EMSY: variants seen among roughly 807,000 people sequenced by gnomAD.
EMSY encodes BRCA2-interacting transcriptional repressor EMSY.
A neutral mutation model predicts 134.6 loss-of-function variants in EMSY; 26 were observed. The observed-to-expected ratio is 0.19, with a 90% CI of 0.14 to 0.27. The LOEUF (loss-of-function observed/expected upper bound fraction) is 0.27, where lower values mean the gene tolerates loss of function less well. EMSY is among the 10% of genes least tolerant of loss of function. EMSY has a pLI of 1.00. For synonymous variants in EMSY, 579 were observed against 577.8 expected, an observed-to-expected ratio of 1.00 and a Z score of -0.03; for missense variants, 1,305 against 1,611.4, an observed-to-expected ratio of 0.81 and a Z score of 3.26.
At chr11:76,481,592 A>G (rs921846898) in intron 8 of EMSY, among the ~76,000 whole-genome samples, 2 of 152,204 alleles carry the variant, frequency 1.3e-5, no homozygotes, top group African/African-American at 4.8e-5. Flanking sequence ...AGGCTTGAGT[A>G]GGTGGTTTTT....
At chr11:76,477,897 A>G (rs943901007) in intron 8 of EMSY, among the ~76,000 whole-genome samples, 1 of 152,000 alleles carries the variant, frequency 6.6e-6, no homozygotes, top group Non-Finnish European at 1.5e-5. Flanking sequence ...GGTGAGAAAA[A>G]TTTGCTCTCA....
chr11:76,505,254 C>A (rs533777754), intron 9 of EMSY, among the ~76,000 whole-genome samples: 18 of 151,926 alleles, frequency 1.2e-4, no homozygotes, highest in African/African-American at 3.4e-4. Flanking sequence ...GAGGCCAAGG[C>A]GGGCGGTCTT....
chr11:76,536,115 G>A, intron 15 of EMSY, 56 bp downstream of exon 16: 1 of 1,172,206 alleles, frequency 8.5e-7, no homozygotes, highest in South Asian at 2.9e-5. Flanking sequence ...GACGGGTTGT[G>A]CTAAAATACT....
intron 8 of EMSY, among the ~76,000 whole-genome samples, chr11:76,487,016 G>A (rs1356407380): frequency 1.3e-5 from 2 of 152,192 alleles, no homozygotes; most frequent in Admixed American, 6.5e-5. Flanking sequence ...AGTGGCTCAC[G>A]CCTGTAATCC....
chr11:76,528,211 G>A (rs976393209), intron 13 of EMSY, 57 bp from the exon 15 acceptor site: 31 of 1,463,320 alleles, frequency 2.1e-5, no homozygotes, highest in Non-Finnish European at 2.6e-5. Flanking sequence ...TAGAAGTTTA[G>A]CATTTTTAAA....
chr11:76,480,038 G>A (rs1369661107), intron 8 of EMSY, among the ~76,000 whole-genome samples: 1 of 152,324 alleles, frequency 6.6e-6, no homozygotes, highest in African/African-American at 2.4e-5. Flanking sequence ...TGGTGATAAA[G>A]CATTTGTTGA....
At chr11:76,528,926 C>T (rs1299647834) in intron 14 of EMSY, among the ~76,000 whole-genome samples, 1 of 152,086 alleles carries the variant, frequency 6.6e-6, no homozygotes, top group Non-Finnish European at 1.5e-5. Context: ...TTCCAATTTG[C>T]ATGGGACAAG....
chr11:76,504,374 C>T (rs1319063726), intron 9 of EMSY, among the ~76,000 whole-genome samples: 2 of 151,078 alleles, frequency 1.3e-5, no homozygotes, highest in Non-Finnish European at 2.9e-5. Flanking sequence ...GTAAAAGATC[C>T]GAATAGCCAT....
intron 8 of EMSY, among the ~76,000 whole-genome samples, chr11:76,476,466 A>C (rs1015414659): frequency 6.6e-6 from 1 of 152,206 alleles, no homozygotes; most frequent in Admixed American, 6.5e-5. Context: ...GGTACAATTC[A>C]TATGGGAAAA....
chr11:76,493,067 C>G (rs1255560394), intron 8 of EMSY, among the ~76,000 whole-genome samples: 1 of 152,122 alleles, frequency 6.6e-6, no homozygotes, highest in African/African-American at 2.4e-5. Context: ...GGGAAGCCCC[C>G]CCTTCCCTTG....
intron 14 of EMSY, 126 bp downstream of exon 15, chr11:76,528,592 T>TCC: frequency 2.5e-5 from 16 of 647,638 alleles, no homozygotes; most frequent in Non-Finnish European, 3.7e-5. Flanking sequence ...TTCCTTTTTT[T>TCC]TTTTTTTTTT....
chr11:76,451,828 T>C (rs758218306), intron 2 of EMSY, 30 bp from the exon 3 acceptor site: 2 of 1,456,778 alleles, frequency 1.4e-6, no homozygotes, highest in Non-Finnish European at 1.9e-6. Flanking sequence ...ATTAAAGGCC[T>C]ATCTTGATAA....
intron 2 of EMSY, among the ~76,000 whole-genome samples, chr11:76,449,977 A>G (rs1467522246): frequency 1.3e-5 from 2 of 152,108 alleles, no homozygotes; most frequent in East Asian, 1.9e-4. Context: ...ACTCTCAAAC[A>G]TAGTTACTGA....
At chr11:76,535,609 C>T (rs1379912466) in intron 14 of EMSY, among the ~76,000 whole-genome samples, 1 of 152,134 alleles carries the variant, frequency 6.6e-6, no homozygotes, top group African/African-American at 2.4e-5. Context: ...TCTTGAGCAT[C>T]CTCTGATTAT....
At chr11:76,536,930 A>G (rs1163730035) in intron 15 of EMSY, among the ~76,000 whole-genome samples, 1 of 152,108 alleles carries the variant, frequency 6.6e-6, no homozygotes, top group East Asian at 1.9e-4. Flanking sequence ...GATTTTTGTC[A>G]GGTTATGTAC....
At chr11:76,512,157 G>A (rs1188476377) in intron 9 of EMSY, among the ~76,000 whole-genome samples, 1 of 152,152 alleles carries the variant, frequency 6.6e-6, no homozygotes, top group Non-Finnish European at 1.5e-5. Flanking sequence ...TTTCAGTGAA[G>A]ATAGTAGTGG....
exon 2 of EMSY, chr11:76,446,975 A>G: frequency 6.2e-7 from 1 of 1,613,800 alleles, no homozygotes; most frequent in Non-Finnish European, 8.5e-7. Flanking sequence ...GGATCTCAGC[A>G]GGGATGAATG....
chr11:76,504,528 A>T (rs761265062), intron 9 of EMSY, among the ~76,000 whole-genome samples: 14 of 152,170 alleles, frequency 9.2e-5, no homozygotes, highest in Non-Finnish European at 1.9e-4. Context: ...TAACAGAATA[A>T]CAAGTGTTGA....
At chr11:76,486,395 TATA>T (rs1177641365) in intron 8 of EMSY, among the ~76,000 whole-genome samples, 1 of 152,136 alleles carries the variant, frequency 6.6e-6, no homozygotes, top group Admixed American at 6.5e-5. Context: ...GAACTTAAAA[TATA>T]ATAAAAAAAT....
Sources: gnomAD v4.1 joint callset for allele counts (sites outside exome capture counted in the v4.1 genomes callset) on GRCh38, gnomAD v4.1.1 for gene constraint, MANE v1.5 for transcripts, NCBI Gene and HGNC (gene_info 2026-07-23, HGNC 2026-07-21) for gene names.